MEGF9: variants seen among roughly 807,000 people sequenced by gnomAD.
The protein encoded by MEGF9 is multiple EGF like domains 9.
Under a neutral mutation model 46.8 loss-of-function variants are expected in MEGF9, and 6 were observed. That is an observed-to-expected ratio of 0.13 (90% CI 0.07 to 0.25). MEGF9 has a LOEUF of 0.25. MEGF9 is among the 10% of genes least tolerant of loss of function. The pLI is 1.00. For synonymous variants in MEGF9, 302 were observed against 330.7 expected, an observed-to-expected ratio of 0.91 and a Z score of 0.94; for missense variants, 683 against 792.4, an observed-to-expected ratio of 0.86 and a Z score of 1.66.
intron 3 of MEGF9, among the ~76,000 whole-genome samples, chr9:120,618,764 A>G (rs1415614375): frequency 6.6e-6 from 1 of 151,306 alleles, no homozygotes; most frequent in African/African-American, 2.4e-5. Flanking sequence ...TGGGCGTGTG[A>G]TGGTGGGCGC....
chr9:120,684,397 G>A (rs1269713345), intron 1 of MEGF9, among the ~76,000 whole-genome samples: 1 of 152,202 alleles, frequency 6.6e-6, no homozygotes, highest in African/African-American at 2.4e-5. Context: ...GCTGAGCCTT[G>A]AGTCATTCCA....
At chr9:120,651,602 A>C (rs2043649658) in intron 2 of MEGF9, among the ~76,000 whole-genome samples, 1 of 152,184 alleles carries the variant, frequency 6.6e-6, no homozygotes, top group South Asian at 2.1e-4. Flanking sequence ...ATTCAGTTTA[A>C]GCTATTATTA....
chr9:120,695,741 G>A (rs971037315), intron 1 of MEGF9, among the ~76,000 whole-genome samples: 1 of 151,658 alleles, frequency 6.6e-6, no homozygotes, highest in Admixed American at 6.6e-5. Flanking sequence ...GGGTAGACAC[G>A]TGTCATTCTT....
chr9:120,656,941 A>G (rs2043680119), intron 2 of MEGF9, among the ~76,000 whole-genome samples: 1 of 152,206 alleles, frequency 6.6e-6, no homozygotes, highest in Non-Finnish European at 1.5e-5. Context: ...AATGAATAAA[A>G]TAAAGGTTAA....
chr9:120,662,581 G>T (rs976310826), intron 1 of MEGF9, among the ~76,000 whole-genome samples: 1 of 152,186 alleles, frequency 6.6e-6, no homozygotes, highest in Non-Finnish European at 1.5e-5. Flanking sequence ...ATTAAGCTCT[G>T]CGTGCCTTTA....
chr9:120,631,983 A>G (rs1459401999), intron 2 of MEGF9, among the ~76,000 whole-genome samples: 1 of 151,536 alleles, frequency 6.6e-6, no homozygotes, highest in Non-Finnish European at 1.5e-5. Flanking sequence ...GCTGGAGTGC[A>G]GTGATGCGAT....
intron 2 of MEGF9, among the ~76,000 whole-genome samples, chr9:120,649,188 A>T (rs1165554759): frequency 1.3e-5 from 2 of 152,186 alleles, no homozygotes; most frequent in Admixed American, 6.5e-5. Flanking sequence ...ATTGGTTTTT[A>T]AAAAATATTT....
intron 2 of MEGF9, among the ~76,000 whole-genome samples, chr9:120,633,339 G>A (rs560697507): frequency 1.3e-5 from 2 of 152,108 alleles, no homozygotes; most frequent in Non-Finnish European, 2.9e-5. Flanking sequence ...TTCCATACAA[G>A]CAGAATTTAT....
intron 1 of MEGF9, among the ~76,000 whole-genome samples, chr9:120,689,334 G>A (rs1214650883): frequency 6.6e-6 from 1 of 152,116 alleles, no homozygotes; most frequent in Non-Finnish European, 1.5e-5. Context: ...TAGAGAACTG[G>A]AAAAAGTGCA....
In MEGF9 at chr9:120,607,857, A is replaced by G; in HGVS notation, c.1241T>C (p.Ile414Thr). The change falls in exon 5 of 6, where the codon ATT (isoleucine) becomes ACT (threonine). Residue 414 changes from isoleucine (I) to threonine (T), a missense_variant. Ile to Thr is a moderately conservative substitution (Grantham distance 89, BLOSUM62 -1). This residue lies in a region of MEGF9 where 313 missense variants were observed against 421.1 expected (regional missense o/e 0.74). Transcript: ENST00000373930. The part of the protein sequence containing the change: ...GHVDPVKTPK[I>T]CKPESGECIN... ...GCACTCACCACTCTCGGGCTTACAA[A>G]TCTTTGGAGTTTTAACTGGGTCCAC... The G allele has an allele frequency of 6.2e-7, 1 of 1,613,946 alleles. No individual in the cohort carries two copies. Among genetic ancestry groups the G allele is most frequent in the South Asian group, 1.1e-5 (1 of 91,082 alleles).
chr9:120,670,542 TCTTA>T (rs925074664), intron 1 of MEGF9, among the ~76,000 whole-genome samples: 2 of 152,218 alleles, frequency 1.3e-5, no homozygotes, highest in African/African-American at 4.8e-5. Context: ...CTTAGATTTA[TCTTA>T]CTGTTTCAAT....
At position 120,714,426 on chromosome 9, in the gene MEGF9, C is replaced by G; in HGVS notation, c.-68G>C. 1 of 1,197,852 alleles carries G rather than the reference C, an allele frequency of 8.3e-7. No individual in the cohort carries two copies. The highest frequency in any genetic ancestry group is 1.1e-6 in the Non-Finnish European group (1 of 949,786). 74.2% of individuals were successfully genotyped at this position (1,197,852 alleles called of 1,614,324 possible). ...AATCCGACCAAGGAAGCCTCCGCAA[C>G]CGCCGCCGCCACCGCCACCGGGCGC... On this transcript the variant is annotated 5_prime_UTR_variant, in exon 1 of 6. Coordinates refer to ENST00000373930, the MANE Select transcript of MEGF9 (RefSeq NM_001080497.3).
chr9:120,621,652 C>T (rs1241550047), intron 3 of MEGF9, among the ~76,000 whole-genome samples: 1 of 152,130 alleles, frequency 6.6e-6, no homozygotes, highest in African/African-American at 2.4e-5. Context: ...TAAAGGTCTG[C>T]TTCCATTGCT....
chr9:120,605,198 T>G lies in MEGF9; in HGVS notation c.1801A>C (p.Lys601Gln). The G allele has an allele frequency of 6.2e-7, 1 of 1,612,690 alleles. No homozygotes were observed. Among genetic ancestry groups the G allele is most frequent in the Non-Finnish European group, 8.5e-7 (1 of 1,179,134 alleles). The change falls in exon 6 of 6, where the codon AAA becomes CAA. Residue 601 changes from lysine (K) to glutamine (Q), a missense_variant. By Grantham distance (53) the Lys-to-Gln change is moderately conservative (BLOSUM62 1). Coordinates refer to ENST00000373930, the MANE Select transcript of MEGF9 (RefSeq NM_001080497.3). This position sits in a 1 kb window ranked among gnomAD's most constrained non-coding sequence, Gnocchi z 4.0. ...LTLTTPIHNY[K>Q]A ...AGAACAGTTCTAGCTCCTTAGGCTT[T>G]GTAGTTATGTATGGGCGTCGTCAGG...
chr9:120,714,442 C>T lies in MEGF9; in HGVS notation c.-84G>A. On this transcript the variant is annotated 5_prime_UTR_variant, in exon 1 of 6. Transcript: ENST00000373930. ...CCTCCGCAACCGCCGCCGCCACCGC[C>T]ACCGGGCGCACCATCGCCACCTCCC... 1 of 1,130,752 alleles carries T rather than the reference C, an allele frequency of 8.8e-7. No individual in the cohort carries two copies. The highest frequency in any genetic ancestry group is 1.1e-6 in the Non-Finnish European group (1 of 897,974). 70.0% of individuals were successfully genotyped at this position (1,130,752 alleles called of 1,614,324 possible). A position where few individuals can be genotyped will look rare whatever the true frequency, so the allele number is the denominator to read the frequency against.
chr9:120,713,985 G>A lies in MEGF9; in HGVS notation c.374C>T (p.Thr125Ile). ...AGTGCGTTCCGCCGCCGGAGGGGTG[G>A]TCGGCGAGGGGCCGAGCGGCGCCTG... ...TFQAPLGPSP[T>I]TPPAAERTST... Residue 125 changes from threonine to isoleucine, a missense_variant, in exon 1 of 6, where the codon ACC becomes ATC. By Grantham distance (89) the Thr-to-Ile change is moderately conservative. Transcript: ENST00000373930. 7.2e-7 allele frequency: 1 copy of A among 1,383,390 alleles called. No individual in the cohort carries two copies. Among genetic ancestry groups the A allele is most frequent in the South Asian group, 1.8e-5 (1 of 57,132 alleles). The allele number at this position is 1,383,390 out of a possible 1,614,324, so 85.7% of individuals were successfully genotyped here. A position where few individuals can be genotyped will look rare whatever the true frequency, so the allele number is the denominator to read the frequency against.
chr9:120,655,222 CA>C (rs1554797069), intron 2 of MEGF9, among the ~76,000 whole-genome samples: 1 of 152,196 alleles, frequency 6.6e-6, no homozygotes, highest in Non-Finnish European at 1.5e-5. Flanking sequence ...ATCAGTCCTG[CA>C]AACTCCATTC....
At chr9:120,639,941 G>A (rs1039280406) in intron 2 of MEGF9, among the ~76,000 whole-genome samples, 3 of 151,948 alleles carry the variant, frequency 2.0e-5, no homozygotes, top group Non-Finnish European at 4.4e-5. Flanking sequence ...CACCCTTTAT[G>A]CCCCTAAGCT....
chr9:120,622,686 A>G lies in MEGF9; in HGVS notation c.873T>C (p.Tyr291=), dbSNP rs2043505656. 6.2e-7 allele frequency: 1 copy of G among 1,613,960 alleles called. No individual in the cohort carries two copies. Among genetic ancestry groups the G allele is most frequent in the Non-Finnish European group, 8.5e-7 (1 of 1,179,866 alleles). ...GCAAGCAGCCATTCTTACTAAAGCCATAATATCCATCTTGGCATCGGTCAC... is the reference window on the plus strand; with the variant it reads ...GCAAGCAGCCATTCTTACTAAAGCCGTAATATCCATCTTGGCATCGGTCAC... ...SICDRCQDGY[Y]GFSKNGCLPC... is the part of the protein sequence containing the mutation. Residue 291 remains tyrosine, a synonymous_variant, in exon 3 of 6, where the codon TAT becomes TAC. Transcript: ENST00000373930.
Sources: allele counts gnomAD v4.1 joint callset (sites outside exome capture counted in the v4.1 genomes callset), GRCh38; gene constraint gnomAD v4.1.1; regional missense constraint gnomAD v4.1.1; non-coding constraint Gnocchi (gnomAD v3.1); transcripts MANE v1.5; gene names NCBI Gene and HGNC (gene_info 2026-07-23, HGNC 2026-07-21).